NDUFAF1: variants seen among roughly 807,000 people sequenced by gnomAD.
NDUFAF1 encodes the protein NADH:ubiquinone oxidoreductase complex assembly factor 1.
Under a neutral mutation model 28.7 loss-of-function variants are expected in NDUFAF1, and 18 were observed. That is an observed-to-expected ratio of 0.63 (90% CI 0.43 to 0.93). The LOEUF (loss-of-function observed/expected upper bound fraction) is 0.93, where lower values mean the gene tolerates loss of function less well. Among genes scored for constraint, NDUFAF1 ranks in the 40% least tolerant of loss-of-function variants. The probability of loss-of-function intolerance (pLI) is 0.00; values close to 1 mark genes in which losing one functional copy is unlikely to be tolerated. For synonymous variants in NDUFAF1, 113 were observed against 139.7 expected, an observed-to-expected ratio of 0.81 and a Z score of 1.35; for missense variants, 404 against 398.3, an observed-to-expected ratio of 1.01 and a Z score of -0.12.
At chr15:41,400,931 G>A (rs1284125218) in intron 1 of NDUFAF1, among the ~76,000 whole-genome samples, 1 of 151,074 alleles carries the variant, frequency 6.6e-6, no homozygotes, top group Non-Finnish European at 1.5e-5. Flanking sequence ...TTTCCTTTCT[G>A]TAGGATACAG....
rs545817953 is a variant in NDUFAF1, at chr15:41,395,659, T to G, written c.574-615A>C. Reference sequence around the variant, plus strand: ...TGTGGGGATTACAGGCATGAGCCACTGCGCCCGGCCTTTTTTTTTTTTTTT... The same window carrying G: ...TGTGGGGATTACAGGCATGAGCCACGGCGCCCGGCCTTTTTTTTTTTTTTT... On this transcript the variant is annotated intron_variant, in intron 2 of 4. Coordinates refer to ENST00000260361, the MANE Select transcript of NDUFAF1 (RefSeq NM_016013.4). 4.3e-5 allele frequency among the ~76,000 whole-genome samples: 6 copies of G among 140,546 alleles called. 1 individual carries two copies. The highest frequency in any genetic ancestry group is 9.1e-5 in the Non-Finnish European group (6 of 66,082). 92.2% of individuals were successfully genotyped at this position (140,546 alleles called of 152,430 possible). A position where few individuals can be genotyped will look rare whatever the true frequency, so the allele number is the denominator to read the frequency against.
intron 1 of NDUFAF1, 53 bp from the exon 2 acceptor site, chr15:41,397,193 A>C (rs1172086157): frequency 4.4e-6 from 3 of 675,768 alleles, no homozygotes; most frequent in Non-Finnish European, 7.7e-6. Flanking sequence ...AATGCATCAC[A>C]ATTTCAAATT....
intron 1 of NDUFAF1, among the ~76,000 whole-genome samples, chr15:41,399,283 C>G (rs2050430529): frequency 6.6e-6 from 1 of 151,994 alleles, no homozygotes; most frequent in South Asian, 2.1e-4. Flanking sequence ...GTAATCCCAG[C>G]TACTTGGGAG....
At chr15:41,398,779 A>T (rs111895690) in intron 1 of NDUFAF1, among the ~76,000 whole-genome samples, 7,634 of 151,696 alleles carry the variant, frequency 0.05, 229 homozygotes, top group East Asian at 0.16. Context: ...AAATGGTAAA[A>T]CCCCATCTCT....
At chr15:41,395,233 G>C (rs775046806) in intron 2 of NDUFAF1, among the ~76,000 whole-genome samples, 189 bp from the exon 3 acceptor site, 14 of 152,088 alleles carry the variant, frequency 9.2e-5, no homozygotes, top group Non-Finnish European at 1.9e-4. Flanking sequence ...ATGTTTCTAA[G>C]GTAATGTTCA....
In NDUFAF1 at chr15:41,402,338, A is replaced by T. The variant is rs1261545473; in HGVS notation, c.-276T>A. Reference sequence around the variant, plus strand: ...CCCGCACTCACGGCCTGGCCTCCGGAGGCTAGACGGTTCGCCGCGCTGGGG... The same window carrying T: ...CCCGCACTCACGGCCTGGCCTCCGGTGGCTAGACGGTTCGCCGCGCTGGGG... On this transcript the variant is annotated 5_prime_UTR_variant, in exon 1 of 5. Transcript: ENST00000260361. 3 of 453,872 alleles carry T rather than the reference A, an allele frequency of 6.6e-6. No individual in the cohort carries two copies. Among genetic ancestry groups the T allele is most frequent in the Admixed American group, 4.7e-5 (2 of 42,540 alleles). 28.1% of individuals were successfully genotyped at this position (453,872 alleles called of 1,614,324 possible). A position where few individuals can be genotyped will look rare whatever the true frequency, so the allele number is the denominator to read the frequency against.
At chr15:41,400,688 A>ATTTTTTTTTTTTTT (rs58010983) in intron 1 of NDUFAF1, among the ~76,000 whole-genome samples, 5 of 97,822 alleles carry the variant, frequency 5.1e-5, no homozygotes, top group African/African-American at 1.7e-4. Context: ...ATGCCCAGCT[A>ATTTTTTTTTTTTTT]TTTTTTTTTT....
rs761770682 is a variant in NDUFAF1 at position 41,394,937 on chromosome 15, T to G, written c.681A>C (p.Thr227=). Residue 227 remains threonine, a synonymous_variant, in exon 3 of 5, where the codon ACA becomes ACC. Coordinates refer to ENST00000260361, the MANE Select transcript of NDUFAF1 (RefSeq NM_016013.4). ...RPWMVNIKED[T]DFFQRTNQMY... ...TCTGATTCGTCCTCTGGAAGAAATC[T>G]GTGTCCTCCTTGATATTCACCATCC... The G allele has an allele frequency of 3.7e-6, 6 of 1,614,218 alleles. No individual in the cohort carries two copies. The South Asian group carries it at 6.6e-5, about 18-fold the overall frequency.
Position 41,397,079 on chromosome 15 carries a change from G to A in NDUFAF1, c.-20C>T, listed in dbSNP as rs377321530. ...AGCCATGGTACAAAAAAATCAAAAT[G>A]TAAGTTTCTTCCTGGGCTAGCAAGG... On this transcript the variant is annotated 5_prime_UTR_variant, in exon 2 of 5. Coordinates refer to ENST00000260361, the MANE Select transcript of NDUFAF1 (RefSeq NM_016013.4). The A allele has an allele frequency of 1.2e-6, 2 of 1,611,122 alleles. No individual in the cohort carries two copies. The highest frequency in any genetic ancestry group is 1.7e-6 in the Non-Finnish European group (2 of 1,178,160).
rs1269546287 is a variant in NDUFAF1 at position 41,396,680 on chromosome 15, A to T, written c.380T>A (p.Phe127Tyr). The part of the protein sequence containing the change: ...LLEQAKVVWQ[F>Y]RGKEDLDKWT... ...CTTATCCAAATCTTCTTTCCCCCGG[A>T]ATTGCCAGACAACCTTGGCTTGTTC... Residue 127 changes from phenylalanine to tyrosine, a missense_variant, in exon 2 of 5, where the codon TTC (phenylalanine) becomes TAC (tyrosine). Phe to Tyr is a conservative substitution (Grantham distance 22, BLOSUM62 3). Coordinates refer to ENST00000260361, the MANE Select transcript of NDUFAF1 (RefSeq NM_016013.4). 6.2e-7 allele frequency: 1 copy of T among 1,614,150 alleles called. No individual in the cohort carries two copies. The highest frequency in any genetic ancestry group is 1.7e-5 in the Admixed American group (1 of 59,984).
At chr15:41,394,476 A>G in intron 3 of NDUFAF1, 1 of 774,570 alleles carries the variant, frequency 1.3e-6, no homozygotes, top group Non-Finnish European at 1.9e-6. Context: ...TATCAAAAAT[A>G]TTCACTAGTT....
upstream of NDUFAF1, chr15:41,402,603 C>G: frequency 4.8e-6 from 1 of 208,796 alleles, no homozygotes; most frequent in Non-Finnish European, 1.0e-5. Context: ...GTAGCCCAGC[C>G]AACTGAGGTT....
intron 3 of NDUFAF1, among the ~76,000 whole-genome samples, chr15:41,392,062 TATTC>T (rs1566822285): frequency 7.4e-5 from 11 of 148,908 alleles, no homozygotes; most frequent in Admixed American, 2.0e-4. Flanking sequence ...GTTTGGACTT[TATTC>T]TTTTTTTTTT....
intron 3 of NDUFAF1, among the ~76,000 whole-genome samples, chr15:41,391,305 G>C (rs2050312845): frequency 2.0e-5 from 3 of 151,940 alleles, no homozygotes; most frequent in Non-Finnish European, 2.9e-5. Flanking sequence ...ATATAAGCAA[G>C]ATCTCTGCTC....
chr15:41,392,039 G>T lies in NDUFAF1; in HGVS notation c.759+2820C>A, dbSNP rs541614095. ...GGGGTCCGATATTGTAGGCCCATAG[G>T]CCATGTGCAGGAGTTTGGACTTTAT... On this transcript the variant is annotated intron_variant, in intron 3 of 4. Transcript: ENST00000260361. 3.9e-5 allele frequency among the ~76,000 whole-genome samples: 6 copies of T among 151,918 alleles called. No homozygotes were observed. The South Asian group carries it at 1.0e-3, about 26-fold the overall frequency.
chr15:41,396,842 G>C lies in NDUFAF1; in HGVS notation c.218C>G (p.Ser73Cys), dbSNP rs916186957. 6.2e-7 allele frequency: 1 copy of C among 1,614,114 alleles called. No homozygotes were observed. Among genetic ancestry groups the C allele is most frequent in the Admixed American group, 1.7e-5 (1 of 59,998 alleles). ...ACTAACATCAGGCTTCTCCTCAGAA[G>C]AAGTTATATCCAAAGCAACTTCTTT... ...HQKEVALDIT[S>C]SEEKPDVSFD... is the part of the protein sequence containing the mutation. The change falls in exon 2 of 5, where the codon TCT becomes TGT. Residue 73 changes from serine to cysteine, a missense_variant. Ser to Cys is a moderately radical substitution (Grantham distance 112). Coordinates refer to ENST00000260361, the MANE Select transcript of NDUFAF1 (RefSeq NM_016013.4).
Position 41,388,535 on chromosome 15 carries a change from A to G in NDUFAF1, c.760-13T>C. ...TGGAAAAAGGAATCTGAAAGAAGAA[A>G]CCATTTACTTCATAACTGAAATGTA... On this transcript the variant is annotated splice_polypyrimidine_tract_variant and intron_variant, in intron 3 of 4. Coordinates refer to ENST00000260361, the MANE Select transcript of NDUFAF1 (RefSeq NM_016013.4). The G allele has an allele frequency of 6.4e-7, 1 of 1,562,414 alleles. No homozygotes were observed. The highest frequency in any genetic ancestry group is 1.4e-5 in the African/African-American group (1 of 73,896).
intron 3 of NDUFAF1, among the ~76,000 whole-genome samples, chr15:41,388,843 C>T (rs1595629632): frequency 2.0e-5 from 3 of 150,346 alleles, no homozygotes; most frequent in South Asian, 4.2e-4. Flanking sequence ...GCCAAGATCA[C>T]ACCACTGCAC....
chr15:41,394,276 C>A (rs939964590), intron 3 of NDUFAF1: 1 of 913,148 alleles, frequency 1.1e-6, no homozygotes, highest in East Asian at 6.4e-5. Context: ...TCAAGTGATC[C>A]GTCCGCCTTG....
Sources: gnomAD v4.1 joint callset for allele counts (sites outside exome capture counted in the v4.1 genomes callset) on GRCh38, gnomAD v4.1.1 for gene constraint, MANE v1.5 for transcripts, NCBI Gene and HGNC (gene_info 2026-07-23, HGNC 2026-07-21) for gene names.